The following KHDRBS2 variants were observed in gnomAD, a reference collection of about 807,000 sequenced individuals.
KHDRBS2 encodes the protein KH RNA binding domain containing, signal transduction associated 2.
Under a neutral mutation model 44.3 loss-of-function variants are expected in KHDRBS2, and 26 were observed. The observed-to-expected ratio is 0.59, with a 90% CI of 0.43 to 0.81. The LOEUF is 0.81. Ranked by LOEUF, KHDRBS2 falls within the 40% of genes least tolerant of loss-of-function variation. KHDRBS2 has a pLI of 0.00. For synonymous variants in KHDRBS2, 194 were observed against 151.1 expected, an observed-to-expected ratio of 1.28 and a Z score of -2.08; for missense variants, 476 against 433.1, an observed-to-expected ratio of 1.10 and a Z score of -0.88.
chr6:61,844,892 T>C (rs1794154112), intron 6 of KHDRBS2, among the ~76,000 whole-genome samples: 1 of 152,208 alleles, frequency 6.6e-6, no homozygotes. Context: ...TTACACTTGA[T>C]CTCTGTTCAG....
intron 4 of KHDRBS2, among the ~76,000 whole-genome samples, chr6:61,951,036 T>G (rs902897163): frequency 1.3e-5 from 2 of 151,978 alleles, no homozygotes; most frequent in African/African-American, 4.8e-5. Flanking sequence ...GGAATGGAGA[T>G]TGGCTGCAAA....
intron 2 of KHDRBS2, among the ~76,000 whole-genome samples, chr6:62,137,554 T>C (rs1482226073): frequency 6.6e-6 from 1 of 152,216 alleles, no homozygotes; most frequent in Non-Finnish European, 1.5e-5. Context: ...AACTGATAGT[T>C]GGTCTTAGTA....
intron 3 of KHDRBS2, among the ~76,000 whole-genome samples, chr6:61,987,833 T>G (rs1269457666): frequency 6.6e-6 from 1 of 152,194 alleles, no homozygotes; most frequent in Admixed American, 6.5e-5. Flanking sequence ...CACTTCCAAA[T>G]GCCTGCTATC....
At chr6:62,167,790 C>T (rs1353294455) in intron 2 of KHDRBS2, among the ~76,000 whole-genome samples, 1 of 152,076 alleles carries the variant, frequency 6.6e-6, no homozygotes, top group Non-Finnish European at 1.5e-5. Context: ...ATATTGCTTA[C>T]AAAAATAGAC....
chr6:61,568,604 G>T, the KHDRBS2 span, among the ~76,000 whole-genome samples: 1 of 135,156 alleles, frequency 7.4e-6, no homozygotes, highest in African/African-American at 2.9e-5. Flanking sequence ...ATGTGAGAGT[G>T]GGAAACCTGA....
chr6:62,099,422 G>C (rs1161134828), intron 2 of KHDRBS2, among the ~76,000 whole-genome samples: 2 of 152,126 alleles, frequency 1.3e-5, no homozygotes, highest in Non-Finnish European at 2.9e-5. Flanking sequence ...AGCAGTAGGA[G>C]GTGTCCTAAG....
the KHDRBS2 span, among the ~76,000 whole-genome samples, chr6:61,636,559 C>T: frequency 6.6e-6 from 1 of 152,032 alleles, no homozygotes; most frequent in African/African-American, 2.4e-5. Flanking sequence ...CACTCAGCTC[C>T]CAGGGGACAT....
intron 2 of KHDRBS2, among the ~76,000 whole-genome samples, chr6:62,158,625 G>A (rs752951568): frequency 6.6e-6 from 1 of 151,976 alleles, no homozygotes. Flanking sequence ...AAGGAAAGAG[G>A]CCAGACATAA....
At chr6:61,843,343 TA>T (rs1389923931) in intron 6 of KHDRBS2, among the ~76,000 whole-genome samples, 844 of 59,564 alleles carry the variant, frequency 0.014, 10 homozygotes, top group African/African-American at 0.059. Context: ...ATATCTATTT[TA>T]TTATTATTAT....
chr6:62,229,631 G>A (rs543024356), intron 1 of KHDRBS2, among the ~76,000 whole-genome samples: 14 of 152,164 alleles, frequency 9.2e-5, no homozygotes, highest in South Asian at 2.1e-4. Flanking sequence ...CCCCGGTGGC[G>A]TGGGCTCACA....
intron 1 of KHDRBS2, among the ~76,000 whole-genome samples, chr6:62,245,949 T>A (rs987714985): frequency 2.6e-5 from 4 of 151,734 alleles, no homozygotes; most frequent in African/African-American, 9.7e-5. Flanking sequence ...CAAATAAACA[T>A]CTGGACCTCA....
chr6:61,865,758 C>G (rs1469026154), intron 6 of KHDRBS2, among the ~76,000 whole-genome samples: 1 of 152,190 alleles, frequency 6.6e-6, no homozygotes, highest in Non-Finnish European at 1.5e-5. Context: ...CAAGGCAAGT[C>G]TCTTCCATCT....
intron 2 of KHDRBS2, among the ~76,000 whole-genome samples, chr6:62,131,433 G>A (rs1810291716): frequency 6.6e-6 from 1 of 152,202 alleles, no homozygotes; most frequent in Non-Finnish European, 1.5e-5. Context: ...CATAGGGGCA[G>A]TACAAGTGAA....
chr6:61,711,504 T>C (rs540810050), intron 7 of KHDRBS2, among the ~76,000 whole-genome samples: 1 of 152,022 alleles, frequency 6.6e-6, no homozygotes, highest in African/African-American at 2.4e-5. Context: ...AAGATAATGT[T>C]AGAACTGGTT....
rs969386091 is a variant in KHDRBS2, at chr6:61,750,532, C to T, written c.811-17768G>A. Among the ~76,000 whole-genome samples the T allele has an allele frequency of 4.6e-5, 7 of 152,058 alleles. No homozygotes were observed. In the South Asian group the frequency reaches 1.0e-3, roughly 22 times the overall value. ...TGTCTGGATTCTTATGTACCAGCAC[C>T]GTCAGTTTCGCCTGTTCAATCTGCT... On this transcript the variant is annotated intron_variant, in intron 6 of 8. Transcript: ENST00000281156.
intron 6 of KHDRBS2, among the ~76,000 whole-genome samples, chr6:61,826,770 C>G (rs112640225): frequency 2.0e-5 from 3 of 152,232 alleles, no homozygotes; most frequent in African/African-American, 7.2e-5. Context: ...AATGCAGTGG[C>G]TCTTTGGGAG....
At chr6:61,722,108 C>G (rs1034498506) in intron 7 of KHDRBS2, among the ~76,000 whole-genome samples, 6 of 152,088 alleles carry the variant, frequency 3.9e-5, no homozygotes, top group African/African-American at 1.4e-4. Flanking sequence ...TTGAACCAGC[C>G]TTGAATCCCA....
chr6:61,660,225 G>A, the KHDRBS2 span, among the ~76,000 whole-genome samples: 2 of 151,726 alleles, frequency 1.3e-5, no homozygotes, highest in Non-Finnish European at 2.9e-5. Context: ...AATTTACGTG[G>A]AACTCTGAAA....
chr6:62,007,124 G>C lies in KHDRBS2; in HGVS notation c.337-28912C>G, dbSNP rs920609348. On this transcript the variant is annotated intron_variant, in intron 3 of 8. Transcript: ENST00000281156. Reference sequence around the variant, plus strand: ...CATTATAACCACAAGGGTTGGGAAGGCTCGTCAAACAAAAAGCTAAAGAAA... The same window carrying C: ...CATTATAACCACAAGGGTTGGGAAGCCTCGTCAAACAAAAAGCTAAAGAAA... 7.9e-5 allele frequency among the ~76,000 whole-genome samples: 12 copies of C among 152,110 alleles called. No individual in the cohort carries two copies. The South Asian group carries it at 1.5e-3, about 18-fold the overall frequency.
Sources: allele counts gnomAD v4.1 joint callset (sites outside exome capture counted in the v4.1 genomes callset), GRCh38; gene constraint gnomAD v4.1.1; transcripts MANE v1.5; gene names NCBI Gene and HGNC (gene_info 2026-07-23, HGNC 2026-07-21).